The following LYRM4 variants were observed in gnomAD, a reference collection of about 807,000 sequenced individuals.
LYRM4 encodes the protein LYR motif-containing protein 4.
LYRM4 carries 9 observed loss-of-function variants against 11.7 expected under a neutral mutation model. The ratio of observed to expected loss-of-function variants is 0.77; its 90% confidence interval spans 0.46 to 1.34. The LOEUF is 1.34. LYRM4 is among the 40% of genes most tolerant of loss of function. LYRM4 has a pLI of 0.00. For missense variants in LYRM4, 133 were observed against 112.5 expected (o/e 1.18, Z -0.82); for synonymous variants, 42 against 40.4 (o/e 1.04, Z -0.15).
chr6:5,049,265 A>G, the LYRM4 span, among the ~76,000 whole-genome samples: 2 of 152,042 alleles, frequency 1.3e-5, no homozygotes, highest in Admixed American at 6.5e-5. Context: ...CCCTACCACC[A>G]CCCAAATTGA....
the LYRM4 span, among the ~76,000 whole-genome samples, chr6:5,069,379 AAC>A: frequency 3.3e-5 from 5 of 151,712 alleles, no homozygotes; most frequent in African/African-American, 1.2e-4. Flanking sequence ...ATAAAAAAAA[AAC>A]TAGTCAATCG....
intron 1 of LYRM4, among the ~76,000 whole-genome samples, chr6:5,243,542 C>T (rs1172639236): frequency 6.6e-6 from 1 of 152,148 alleles, no homozygotes; most frequent in Non-Finnish European, 1.5e-5. Context: ...ACACTGGAGT[C>T]CCTCTTATTC....
At chr6:5,217,222 T>C (rs996701695) in intron 1 of LYRM4, among the ~76,000 whole-genome samples, 4 of 152,242 alleles carry the variant, frequency 2.6e-5, no homozygotes, top group African/African-American at 7.2e-5. Context: ...TAGTGACCTA[T>C]GCTTTCCAGT....
chr6:5,184,008 T>C (rs1162382211), intron 2 of LYRM4, among the ~76,000 whole-genome samples: 1 of 152,258 alleles, frequency 6.6e-6, no homozygotes, highest in East Asian at 1.9e-4. Flanking sequence ...CAAAACATCA[T>C]GTTGCACACC....
At chr6:5,060,410 G>C in the LYRM4 span, among the ~76,000 whole-genome samples, 1 of 151,730 alleles carries the variant, frequency 6.6e-6, no homozygotes, top group African/African-American at 2.4e-5. Flanking sequence ...TAGGCCTTTT[G>C]GTTTTGTTTC....
At chr6:5,141,211 G>T (rs183323300) in intron 2 of LYRM4, among the ~76,000 whole-genome samples, 10 of 152,282 alleles carry the variant, frequency 6.6e-5, no homozygotes, top group Non-Finnish European at 1.5e-4. Flanking sequence ...ATGTCTCAGG[G>T]TCCTCATGCT....
chr6:5,122,659 A>C (rs1447477047), intron 2 of LYRM4, among the ~76,000 whole-genome samples: 1 of 152,106 alleles, frequency 6.6e-6, no homozygotes. Context: ...TTTCTCTTGG[A>C]CAGTCCCACA....
the LYRM4 span, among the ~76,000 whole-genome samples, chr6:5,074,901 T>C: frequency 6.6e-6 from 1 of 152,000 alleles, no homozygotes; most frequent in Non-Finnish European, 1.5e-5. Context: ...ATGTTGGAGG[T>C]GGAGCTTGGT....
chr6:5,209,895 G>A (rs1187148623), intron 2 of LYRM4, among the ~76,000 whole-genome samples: 1 of 152,164 alleles, frequency 6.6e-6, no homozygotes, highest in African/African-American at 2.4e-5. Context: ...TTGCCTATCA[G>A]TTATTACATT....
At chr6:5,096,232 G>A in the LYRM4 span, among the ~76,000 whole-genome samples, 1 of 152,184 alleles carries the variant, frequency 6.6e-6, no homozygotes, top group Non-Finnish European at 1.5e-5. Context: ...GCTCATGCCT[G>A]TAATCTCAGC....
intron 2 of LYRM4, among the ~76,000 whole-genome samples, chr6:5,193,434 A>T (rs1207823553): frequency 6.6e-6 from 1 of 152,144 alleles, no homozygotes; most frequent in Non-Finnish European, 1.5e-5. Flanking sequence ...ACTCTTCCCA[A>T]AGCATCTAAT....
At chr6:5,103,329 C>T (rs1009670499), downstream of LYRM4, 4 of 152,216 alleles carry the variant, frequency 2.6e-5, no homozygotes, top group African/African-American at 4.8e-5. Context: ...AATATCCACT[C>T]GGGTTCTGCC....
chr6:5,124,435 C>A (rs554770667), intron 2 of LYRM4, among the ~76,000 whole-genome samples: 9 of 152,318 alleles, frequency 5.9e-5, no homozygotes, highest in Admixed American at 5.9e-4. Context: ...CTAGCAGACA[C>A]AGGGCTGAGT....
intron 2 of LYRM4, among the ~76,000 whole-genome samples, chr6:5,123,362 G>T (rs1382281543): frequency 6.6e-6 from 1 of 152,212 alleles, no homozygotes; most frequent in Non-Finnish European, 1.5e-5. Context: ...TGGTGGGACA[G>T]GGGGCGGTGA....
At chr6:5,102,926 T>G (rs777560174), downstream of LYRM4, 1 of 152,232 alleles carries the variant, frequency 6.6e-6, no homozygotes, top group Non-Finnish European at 1.5e-5. Flanking sequence ...CTCTGAGAGT[T>G]TTCCTTCTGG....
At chr6:5,075,657 G>A in the LYRM4 span, among the ~76,000 whole-genome samples, 4 of 152,174 alleles carry the variant, frequency 2.6e-5, no homozygotes, top group Non-Finnish European at 5.9e-5. Flanking sequence ...GCTAATGAGA[G>A]GACAGAAGTC....
intron 2 of LYRM4, among the ~76,000 whole-genome samples, chr6:5,173,717 C>G (rs1202677788): frequency 6.6e-6 from 1 of 152,196 alleles, no homozygotes; most frequent in Non-Finnish European, 1.5e-5. Flanking sequence ...TTTCATAAAA[C>G]AGTCCATTGC....
At chr6:5,208,722 C>T (rs1033032886) in intron 2 of LYRM4, among the ~76,000 whole-genome samples, 1 of 152,084 alleles carries the variant, frequency 6.6e-6, no homozygotes. Context: ...GCCCCAGACT[C>T]GAGGATTTAC....
intron 2 of LYRM4, among the ~76,000 whole-genome samples, chr6:5,173,179 C>T (rs1044466763): frequency 6.6e-6 from 1 of 152,192 alleles, no homozygotes; most frequent in Non-Finnish European, 1.5e-5. Flanking sequence ...AACCATCTGT[C>T]CTTCTTTCTT....
Sources: allele counts gnomAD v4.1 joint callset (sites outside exome capture counted in the v4.1 genomes callset), GRCh38; gene constraint gnomAD v4.1.1; transcripts MANE v1.5; gene names NCBI Gene and HGNC (gene_info 2026-07-23, HGNC 2026-07-21).